REPS1: variants seen among roughly 807,000 people sequenced by gnomAD.
REPS1 encodes the protein RALBP1 associated Eps domain containing 1.
A neutral mutation model predicts 100.9 loss-of-function variants in REPS1; 39 were observed. The ratio of observed to expected loss-of-function variants is 0.39; its 90% confidence interval spans 0.30 to 0.50. The LOEUF (loss-of-function observed/expected upper bound fraction) is 0.50. REPS1 is among the 20% of genes least tolerant of loss of function. The pLI, the probability that REPS1 is intolerant of heterozygous loss-of-function variation, is 0.86. For synonymous variants in REPS1, 324 were observed against 340.3 expected (o/e 0.95, Z 0.53); for missense variants, 821 against 968.5 (o/e 0.85, Z 2.02).
chr6:138,981,971 A>T (rs1582871308), intron 1 of REPS1, among the ~76,000 whole-genome samples: 1 of 152,018 alleles, frequency 6.6e-6, no homozygotes, highest in African/African-American at 2.4e-5. Flanking sequence ...CAGAAATTTT[A>T]AAAGTAAATA....
chr6:138,962,878 T>C (rs1180396603), intron 1 of REPS1, among the ~76,000 whole-genome samples: 2 of 152,216 alleles, frequency 1.3e-5, no homozygotes, highest in Non-Finnish European at 2.9e-5. Context: ...TGAAATGTTA[T>C]TTATGATTAA....
intron 1 of REPS1, among the ~76,000 whole-genome samples, chr6:138,949,837 A>G (rs1184038089): frequency 3.3e-5 from 5 of 152,228 alleles, no homozygotes; most frequent in Non-Finnish European, 1.5e-5. Flanking sequence ...AGGAAAGACC[A>G]GAGTGTAGCT....
At chr6:138,909,262 A>C (rs1779855654) in intron 17 of REPS1, among the ~76,000 whole-genome samples, 1 of 152,236 alleles carries the variant, frequency 6.6e-6, no homozygotes, top group African/African-American at 2.4e-5. Context: ...TTAAAAAACC[A>C]AAAACATCAT....
intron 12 of REPS1, among the ~76,000 whole-genome samples, chr6:138,919,776 T>C (rs1780632049): frequency 6.6e-6 from 1 of 152,232 alleles, no homozygotes; most frequent in Non-Finnish European, 1.5e-5. Context: ...ATTCACAGTA[T>C]TAGTTACTTT....
chr6:138,987,651 T>C lies in REPS1; in HGVS notation c.32A>G (p.Gln11Arg), dbSNP rs527549633. MEGLTLSDAE[Q>R]KYYSDLFSYC... ...GGAGAAGAGATCTGAATAGTATTTC[T>C]GCTCCGCATCGCTCAGCGTTAAGCC... The change falls in exon 1 of 20, where the codon CAG becomes CGG. Residue 11 changes from glutamine (Q) to arginine (R), a missense_variant. Transcript: ENST00000450536. The C allele has an allele frequency of 2.6e-6, 4 of 1,549,574 alleles. No individual in the cohort carries two copies. Among genetic ancestry groups the C allele is most frequent in the East Asian group, 2.5e-5 (1 of 40,550 alleles).
At chr6:138,963,880 T>C (rs1037742194) in intron 1 of REPS1, among the ~76,000 whole-genome samples, 2 of 152,226 alleles carry the variant, frequency 1.3e-5, no homozygotes, top group Non-Finnish European at 2.9e-5. Context: ...GTAATTCATA[T>C]CTATTACTGT....
Position 138,944,530 on chromosome 6 carries a change from T to A in REPS1, c.721A>T (p.Thr241Ser), listed in dbSNP as rs761938645. Residue 241 changes from threonine (T) to serine (S), a missense_variant, in exon 5 of 20, where the codon ACT becomes TCT. Physicochemically the swap from Thr to Ser is moderately conservative, Grantham distance 58. Coordinates refer to ENST00000450536, the MANE Select transcript of REPS1 (RefSeq NM_001286611.2). Reference protein sequence around the residue: ...VSFADTPPTSTLLTMHPASVQ... With the variant: ...VSFADTPPTSSLLTMHPASVQ... ...GAAGCAGGATGCATGGTTAAAAGAG[T>A]ACTGGTTGGTGGAGTATCTGCAAAA... 2 of 1,613,852 alleles carry A rather than the reference T, an allele frequency of 1.2e-6. No individual in the cohort carries two copies. Among genetic ancestry groups the A allele is most frequent in the Non-Finnish European group, 8.5e-7 (1 of 1,179,910 alleles).
rs550971836 is a variant in REPS1, at chr6:138,970,971, T to C, written c.153+16559A>G. Among the ~76,000 whole-genome samples the C allele has an allele frequency of 1.9e-3, 285 of 152,294 alleles. 1 individual carries two copies. Among genetic ancestry groups the C allele is most frequent in the Non-Finnish European group, 3.3e-3 (224 of 68,018 alleles). On this transcript the variant is annotated intron_variant, in intron 1 of 19. Transcript: ENST00000450536. ...ACACCAGAAGCAAAAAGGAACATTA[T>C]GTAGAAAATAACCATGAAACAATAC...
intron 1 of REPS1, among the ~76,000 whole-genome samples, chr6:138,975,062 A>C (rs1056970471): frequency 1.3e-5 from 2 of 151,998 alleles, no homozygotes; most frequent in South Asian, 4.2e-4. Context: ...AACCACCACC[A>C]AGTCTGCACA....
intron 1 of REPS1, among the ~76,000 whole-genome samples, chr6:138,970,930 C>T (rs891469066): frequency 3.9e-5 from 6 of 152,158 alleles, no homozygotes; most frequent in African/African-American, 1.4e-4. Context: ...GATGGGTGTG[C>T]AAGGTCAAAT....
chr6:138,962,797 C>T (rs1009947911), intron 1 of REPS1, among the ~76,000 whole-genome samples: 4 of 152,076 alleles, frequency 2.6e-5, no homozygotes, highest in Non-Finnish European at 5.9e-5. Flanking sequence ...ATAAGGAAGG[C>T]CTCTTATATT....
chr6:138,933,539 G>C (rs1385027704), intron 8 of REPS1, among the ~76,000 whole-genome samples: 1 of 148,770 alleles, frequency 6.7e-6, no homozygotes, highest in Non-Finnish European at 1.5e-5. Flanking sequence ...TATCTCACAG[G>C]GCTTAGTTTT....
chr6:138,941,527 G>A (rs185142271), intron 7 of REPS1, 38 bp from the exon 8 acceptor site: 245 of 1,560,282 alleles, frequency 1.6e-4, no homozygotes, highest in African/African-American at 5.2e-4. Context: ...ATCACATTCC[G>A]CTTTGGATCC....
rs962562873 is a variant in REPS1 at position 138,904,425 on chromosome 6, T to C, written c.*639A>G. 1 of 152,218 alleles carries C rather than the reference T, an allele frequency of 6.6e-6. No homozygotes were observed. Among genetic ancestry groups the C allele is most frequent in the Non-Finnish European group, 1.5e-5 (1 of 68,038 alleles). The allele number at this position is 152,218 out of a possible 1,614,324, so 9.4% of individuals were successfully genotyped here. A position where few individuals can be genotyped will look rare whatever the true frequency, so the allele number is the denominator to read the frequency against. On this transcript the variant is annotated 3_prime_UTR_variant, in exon 20 of 20. Coordinates refer to ENST00000450536, the MANE Select transcript of REPS1 (RefSeq NM_001286611.2). ...TTTACATGACTGCTGAATTATTGAA[T>C]CTCATAAAATAGTTCGAAGTCGCTG...
At position 138,986,497 on chromosome 6, in the gene REPS1, T is replaced by TC. The variant is rs1554299163; in HGVS notation, c.153+1032dup. 3.5e-4 allele frequency among the ~76,000 whole-genome samples: 54 copies of TC among 152,290 alleles called. 1 individual carries two copies. In the East Asian group the frequency reaches 9.6e-3, roughly 27 times the overall value. ...AAAATGGAAAGTGCCTGACCCAAAG[T>TC]CACACTGCTGGTTAACAGCAGAGTA... On this transcript the variant is annotated intron_variant, in intron 1 of 19. Coordinates refer to ENST00000450536, the MANE Select transcript of REPS1 (RefSeq NM_001286611.2).
At chr6:138,921,001 T>G (rs761807476) in intron 11 of REPS1, 36 bp downstream of exon 11, 1 of 1,465,444 alleles carries the variant, frequency 6.8e-7, no homozygotes, top group Non-Finnish European at 9.5e-7. Flanking sequence ...CAGTTTGATG[T>G]AAAACTAAAA....
chr6:138,964,493 G>A (rs9376387), intron 1 of REPS1, among the ~76,000 whole-genome samples: 60,574 of 151,752 alleles, frequency 0.4, 12,532 homozygotes, highest in East Asian at 0.63. Context: ...TGTATATTAG[G>A]TACTTTAACA....
At chr6:138,959,277 G>A (rs567225942) in intron 1 of REPS1, among the ~76,000 whole-genome samples, 16 of 152,180 alleles carry the variant, frequency 1.1e-4, no homozygotes, top group African/African-American at 1.4e-4. Flanking sequence ...AAAGGTACAC[G>A]GAAGCTACTT....
At chr6:138,980,686 G>A (rs1784896824) in intron 1 of REPS1, among the ~76,000 whole-genome samples, 1 of 56,536 alleles carries the variant, frequency 1.8e-5, no homozygotes, top group Non-Finnish European at 3.4e-5. Context: ...TGGGTGGGGC[G>A]GGGGGGGGGG....
Sources: allele counts gnomAD v4.1 joint callset (sites outside exome capture counted in the v4.1 genomes callset), GRCh38; gene constraint gnomAD v4.1.1; transcripts MANE v1.5; gene names NCBI Gene and HGNC (gene_info 2026-07-23, HGNC 2026-07-21).